Variants in REXO1 observed in about 807,000 individuals in gnomAD.
REXO1 encodes the protein RNA exonuclease 1 homolog, also known as REX1, RNA exonuclease 1 homolog.
A neutral mutation model predicts 102.6 loss-of-function variants in REXO1; 42 were observed. That is an observed-to-expected ratio of 0.41 (90% CI 0.32 to 0.53). The LOEUF (loss-of-function observed/expected upper bound fraction) is 0.53. Among genes scored for constraint, REXO1 ranks in the 20% least tolerant of loss-of-function variants. The probability of loss-of-function intolerance (pLI) is 0.27; values close to 1 mark genes in which losing one functional copy is unlikely to be tolerated. For missense variants in REXO1, 1,819 were observed against 1,732.5 expected (o/e 1.05, Z -0.89); for synonymous variants, 908 against 779.1 (o/e 1.17, Z -2.76).
Position 1,816,436 on chromosome 19 carries a change from G to T in REXO1, c.3451C>A (p.Leu1151Met). Residue 1151 changes from leucine (L) to methionine (M), a missense_variant, in exon 14 of 16, where the codon CTG (leucine) becomes ATG (methionine). Leu to Met is a conservative substitution (Grantham distance 15). Transcript: ENST00000170168. The part of the protein sequence containing the change: ...GHSLESDLLA[L>M]KVIHSTVVDT... ...GACCCGGGCCGGCAGGGCACCTTCA[G>T]GGCCAGGAGGTCGCTCTCCAGGCTG... 6.2e-7 allele frequency: 1 copy of T among 1,611,660 alleles called. No individual in the cohort carries two copies. Among genetic ancestry groups the T allele is most frequent in the Non-Finnish European group, 8.5e-7 (1 of 1,179,368 alleles).
intron 1 of REXO1, among the ~76,000 whole-genome samples, chr19:1,831,845 C>CAAAA (rs745676775): frequency 1.4e-4 from 7 of 51,232 alleles, no homozygotes; most frequent in African/African-American, 2.1e-4. Context: ...AACTCCATCT[C>CAAAA]AAAAAAAAAA....
At chr19:1,846,240 A>T (rs2011531283) in intron 1 of REXO1, among the ~76,000 whole-genome samples, 2 of 152,190 alleles carry the variant, frequency 1.3e-5, no homozygotes, top group African/African-American at 4.8e-5. Context: ...GGAGGTGTGG[A>T]CATGGGACAT....
At chr19:1,840,025 C>T (rs571614949) in intron 1 of REXO1, among the ~76,000 whole-genome samples, 1 of 152,298 alleles carries the variant, frequency 6.6e-6, no homozygotes, top group African/African-American at 2.4e-5. Context: ...GGAGGGGTCT[C>T]AGAAAAATGG....
At chr19:1,825,805 A>G (rs1385167678) in intron 3 of REXO1, 34 bp downstream of exon 3, 3 of 1,296,654 alleles carry the variant, frequency 2.3e-6, no homozygotes, top group Non-Finnish European at 3.3e-6. Context: ...AAAAAAAAAA[A>G]GGCTCCTGCT....
At chr19:1,817,615 G>A (rs544515792) in intron 11 of REXO1, 92 bp downstream of exon 11, 10 of 1,474,836 alleles carry the variant, frequency 6.8e-6, no homozygotes, top group South Asian at 5.0e-5. Flanking sequence ...CCTGAGCCCA[G>A]GACTGTGCTG....
rs562089043 is a variant in REXO1 at position 1,834,605 on chromosome 19, G to A, written c.158-5974C>T. Among the ~76,000 whole-genome samples the A allele has an allele frequency of 4.6e-5, 7 of 152,182 alleles. No homozygotes were observed. The South Asian group carries it at 6.2e-4, about 14-fold the overall frequency. On this transcript the variant is annotated intron_variant, in intron 1 of 15. Coordinates refer to ENST00000170168, the MANE Select transcript of REXO1 (RefSeq NM_020695.4). ...ATTCTTTTCTTTTTTTGGTAGAGAC[G>A]GGGGTCTCGCTGTAATTGCCCAGGC...
chr19:1,828,379 GTGGGGCTGGCGT>G lies in REXO1; in HGVS notation c.398_409del (p.Asn133_Pro136del), dbSNP rs776792967. ...GAAGGCATCCTCGTCCGGGCCCACA[GTGGGGCTGGCGT>G]TGGGGCCGCGGGGCGCCAGGGCGGG... On this transcript the variant is annotated inframe_deletion, in exon 2 of 16. Transcript: ENST00000170168. The G allele has an allele frequency of 6.2e-7, 1 of 1,608,824 alleles. No homozygotes were observed. Among genetic ancestry groups the G allele is most frequent in the Non-Finnish European group, 8.5e-7 (1 of 1,177,844 alleles).
In REXO1 at chr19:1,823,765, A is replaced by T. The variant is rs770576960; in HGVS notation, c.2037T>A (p.Gly679=). ...GGGGCCGGGCCGGGGGCACCGCGGG[A>T]CCCCTCCTCGGGGGCTCCACCTGCG... ...QGQEVEPPRR[G]PAVPPARPPT... is the part of the protein sequence containing the mutation. The change falls in exon 4 of 16, where the codon GGT becomes GGA. Residue 679 remains glycine (G), a synonymous_variant. Transcript: ENST00000170168. 8.0e-7 allele frequency: 1 copy of T among 1,252,230 alleles called. No individual in the cohort carries two copies. The highest frequency in any genetic ancestry group is 3.8e-5 in the South Asian group (1 of 26,490). The allele number at this position is 1,252,230 out of a possible 1,614,324, so 77.6% of individuals were successfully genotyped here.
Position 1,815,897 on chromosome 19 carries a change from G to A in REXO1, c.*169C>T. On this transcript the variant is annotated 3_prime_UTR_variant, in exon 16 of 16. Coordinates refer to ENST00000170168, the MANE Select transcript of REXO1 (RefSeq NM_020695.4). The surrounding 1 kb of genome is among the most constrained non-coding windows in gnomAD (Gnocchi z 4.0). ...GGCGGAGGGGTGCGGCAGGACGTGA[G>A]CGGGGGTGGGCTGGGCTGGGCGTTC... is the stretch of plus-strand genomic sequence containing the variant. The A allele has an allele frequency of 6.5e-7, 1 of 1,532,272 alleles. No homozygotes were observed. The highest frequency in any genetic ancestry group is 8.7e-7 in the Non-Finnish European group (1 of 1,145,182). 94.9% of individuals were successfully genotyped at this position (1,532,272 alleles called of 1,614,324 possible).
In REXO1 at chr19:1,826,974, C is replaced by A. The variant is rs2069744543; in HGVS notation, c.1815G>T (p.Glu605Asp). Residue 605 changes from glutamate to aspartate, a missense_variant, in exon 2 of 16, where the codon GAG (glutamate) becomes GAT (aspartate). Coordinates refer to ENST00000170168, the MANE Select transcript of REXO1 (RefSeq NM_020695.4). The surrounding 1 kb of genome is among the most constrained non-coding windows in gnomAD (Gnocchi z 4.3). ...CCATGGGGTCGGAGTCAAAGTCCACCTCCTTCTCCAGGGCCGAGTAGTCCA... is the reference window on the plus strand; with the variant it reads ...CCATGGGGTCGGAGTCAAAGTCCACATCCTTCTCCAGGGCCGAGTAGTCCA... ...ADVDYSALEK[E>D]VDFDSDPMEE... is the part of the protein sequence containing the mutation. 2 of 1,567,190 alleles carry A rather than the reference C, an allele frequency of 1.3e-6. No individual in the cohort carries two copies. Among genetic ancestry groups the A allele is most frequent in the African/African-American group, 2.7e-5 (2 of 73,920 alleles).
rs1178880351 is a variant in REXO1 at position 1,827,838 on chromosome 19, G to A, written c.951C>T (p.Ala317=). 1 of 1,612,220 alleles carries A rather than the reference G, an allele frequency of 6.2e-7. No individual in the cohort carries two copies. Among genetic ancestry groups the A allele is most frequent in the East Asian group, 2.2e-5 (1 of 44,852 alleles). The part of the protein sequence containing the change: ...PKARADPEIK[A]TGQPPSKEGL... ...CCTCTTTGGAGGGTGGCTGCCCGGT[G>A]GCCTTGATCTCAGGGTCGGCCCTGG... is the stretch of plus-strand genomic sequence containing the variant. Residue 317 remains alanine, a synonymous_variant, in exon 2 of 16, where the codon GCC becomes GCT. Coordinates refer to ENST00000170168, the MANE Select transcript of REXO1 (RefSeq NM_020695.4).
chr19:1,829,194 C>T (rs951012259), intron 1 of REXO1, among the ~76,000 whole-genome samples: 3 of 151,524 alleles, frequency 2.0e-5, no homozygotes, highest in African/African-American at 7.3e-5. Flanking sequence ...TGAGCAGGGC[C>T]GGGGGATGGG....
Position 1,827,833 on chromosome 19 carries a change from C to T in REXO1, c.956G>A (p.Gly319Glu). The change falls in exon 2 of 16, where the codon GGG (glycine) becomes GAG (glutamate). Residue 319 changes from glycine to glutamate, a missense_variant. Coordinates refer to ENST00000170168, the MANE Select transcript of REXO1 (RefSeq NM_020695.4). Reference protein sequence around the residue: ...ARADPEIKATGQPPSKEGLEA... With the variant: ...ARADPEIKATEQPPSKEGLEA... ...CAGGCCCTCTTTGGAGGGTGGCTGC[C>T]CGGTGGCCTTGATCTCAGGGTCGGC... is the stretch of plus-strand genomic sequence containing the variant. 6.2e-7 allele frequency: 1 copy of T among 1,611,496 alleles called. No homozygotes were observed. The highest frequency in any genetic ancestry group is 8.5e-7 in the Non-Finnish European group (1 of 1,179,508).
chr19:1,847,033 G>A (rs111555183), intron 1 of REXO1, among the ~76,000 whole-genome samples: 20 of 152,272 alleles, frequency 1.3e-4, no homozygotes, highest in Middle Eastern at 3.4e-3. Context: ...CCTATGCTAC[G>A]GGATCTGTAG....
At chr19:1,847,784 T>C (rs1306417433) in intron 1 of REXO1, among the ~76,000 whole-genome samples, 2 of 152,164 alleles carry the variant, frequency 1.3e-5, no homozygotes, top group East Asian at 1.9e-4. Flanking sequence ...GGAAACGTCA[T>C]GGAAATAAAC....
In REXO1 at chr19:1,826,019, C is replaced by T. The variant is rs1267699654; in HGVS notation, c.1912-76G>A. 3.8e-6 allele frequency: 4 copies of T among 1,057,910 alleles called. No homozygotes were observed. In the Admixed American group the frequency reaches 7.2e-5, roughly 19 times the overall value. 65.5% of individuals were successfully genotyped at this position (1,057,910 alleles called of 1,614,324 possible). A position where few individuals can be genotyped will look rare whatever the true frequency, so the allele number is the denominator to read the frequency against. On this transcript the variant is annotated intron_variant, in intron 2 of 15. Coordinates refer to ENST00000170168, the MANE Select transcript of REXO1 (RefSeq NM_020695.4). This position sits in a 1 kb window ranked among gnomAD's most constrained non-coding sequence, Gnocchi z 4.3. ...CAACACACCCCAACCTCAAACTGCC[C>T]CCGGCAAGTGGGGAATGGAACAGTC...
chr19:1,822,829 G>A (rs940043784), intron 4 of REXO1: 10 of 152,298 alleles, frequency 6.6e-5, no homozygotes, highest in African/African-American at 2.4e-4. Context: ...CCAGCGCCAG[G>A]GAGGCAGGGG....
Position 1,819,946 on chromosome 19 carries a change from G to A in REXO1, c.2638C>T (p.Pro880Ser). Residue 880 changes from proline to serine, a missense_variant, in exon 7 of 16, where the codon CCC (proline) becomes TCC (serine). Coordinates refer to ENST00000170168, the MANE Select transcript of REXO1 (RefSeq NM_020695.4). ...KLRGLAPSAV[P>S]GLSKTSGRRV... ...CGCCAGGACTCACTGCTGAGGCCGG[G>A]CACAGCGCTGGGGGCCAGGCCCCTG... 1 of 1,583,024 alleles carries A rather than the reference G, an allele frequency of 6.3e-7. No homozygotes were observed. The highest frequency in any genetic ancestry group is 1.1e-5 in the South Asian group (1 of 87,382).
chr19:1,821,394 A>T, intron 5 of REXO1, 125 bp downstream of exon 5: 1 of 1,071,742 alleles, frequency 9.3e-7, no homozygotes, highest in Non-Finnish European at 1.4e-6. Flanking sequence ...TGAAGGCTGT[A>T]CTGCGGTGTG....
Sources: gnomAD v4.1 joint callset for allele counts (sites outside exome capture counted in the v4.1 genomes callset) on GRCh38, gnomAD v4.1.1 for gene constraint, Gnocchi (gnomAD v3.1) non-coding constraint, MANE v1.5 for transcripts, NCBI Gene and HGNC (gene_info 2026-07-23, HGNC 2026-07-21) for gene names.